RBFOX3: variants seen among roughly 807,000 people sequenced by gnomAD.
RBFOX3 encodes the protein RNA binding protein fox-1 homolog 3.
Under a neutral mutation model 48.7 loss-of-function variants are expected in RBFOX3, and 17 were observed. The ratio of observed to expected loss-of-function variants is 0.35; its 90% CI spans 0.24 to 0.52. The LOEUF (loss-of-function observed/expected upper bound fraction) is 0.52. Among genes scored for constraint, RBFOX3 ranks in the 20% least tolerant of loss-of-function variants. The pLI, the probability that RBFOX3 is intolerant of heterozygous loss-of-function variation, is 0.94. For missense variants in RBFOX3, 382 were observed against 497.5 expected (o/e 0.77, Z 2.21); for synonymous variants, 212 against 209.5 (o/e 1.01, Z -0.10).
intron 2 of RBFOX3, among the ~76,000 whole-genome samples, chr17:79,444,953 G>A (rs2071932292): frequency 6.6e-6 from 1 of 151,936 alleles, no homozygotes; most frequent in Non-Finnish European, 1.5e-5. Context: ...CCAACCACAG[G>A]CAACCACAGA....
chr17:79,286,255 G>A (rs533779551), intron 3 of RBFOX3, among the ~76,000 whole-genome samples: 1 of 152,276 alleles, frequency 6.6e-6, no homozygotes, highest in African/African-American at 2.4e-5. Flanking sequence ...AACTTTCTAG[G>A]ACTTTCTGCC....
intron 4 of RBFOX3, among the ~76,000 whole-genome samples, chr17:79,156,882 T>A (rs1284809999): frequency 6.6e-6 from 1 of 152,208 alleles, no homozygotes; most frequent in African/African-American, 2.4e-5. Context: ...GGAAACGGCA[T>A]GCTGGCAGGC....
At chr17:79,396,538 T>C (rs1472620605) in intron 2 of RBFOX3, among the ~76,000 whole-genome samples, 2 of 152,186 alleles carry the variant, frequency 1.3e-5, no homozygotes, top group Admixed American at 6.5e-5. Context: ...GCAAATTTTA[T>C]TCTGACTCCC....
At chr17:79,401,082 G>C (rs1052377545) in intron 2 of RBFOX3, among the ~76,000 whole-genome samples, 1 of 152,256 alleles carries the variant, frequency 6.6e-6, no homozygotes, top group Non-Finnish European at 1.5e-5. Context: ...AGCCTCTCCA[G>C]TGCTGCCCTG....
At chr17:79,283,805 C>T (rs945004069) in intron 3 of RBFOX3, among the ~76,000 whole-genome samples, 5 of 152,234 alleles carry the variant, frequency 3.3e-5, no homozygotes, top group African/African-American at 9.7e-5. Flanking sequence ...TTGGATCCAT[C>T]GCCTAGAACT....
chr17:79,593,843 A>T (rs2093491746), intron 1 of RBFOX3, among the ~76,000 whole-genome samples: 2 of 152,144 alleles, frequency 1.3e-5, no homozygotes, highest in African/African-American at 4.8e-5. Context: ...AAGGGCCAGG[A>T]GAGGAAATTG....
intron 4 of RBFOX3, among the ~76,000 whole-genome samples, chr17:79,227,513 A>G (rs1357408348): frequency 6.6e-6 from 1 of 152,186 alleles, no homozygotes; most frequent in Non-Finnish European, 1.5e-5. Context: ...ACAGGAGATG[A>G]GCAGGTCTCT....
At chr17:79,196,312 G>A (rs561584453) in intron 4 of RBFOX3, among the ~76,000 whole-genome samples, 10 of 152,216 alleles carry the variant, frequency 6.6e-5, no homozygotes, top group South Asian at 4.1e-4. Context: ...AGTGGGGCCC[G>A]CTCCAGCCTG....
At chr17:79,620,592 CA>C in the RBFOX3 span, among the ~76,000 whole-genome samples, 1 of 127,334 alleles carries the variant, frequency 7.9e-6, no homozygotes, top group Non-Finnish European at 1.8e-5. Flanking sequence ...CACGCACACA[CA>C]CGCACGCACG....
rs1448232271 is a variant in RBFOX3, at chr17:79,196,349, A to G, written c.-34+39417T>C. On this transcript the variant is annotated intron_variant, in intron 4 of 14. Transcript: ENST00000693108. ...GAGTCACAGACCCGGAGTCCAGCCC[A>G]TCTCTGCCCCGACCACCCGTGGGAC... is the stretch of plus-strand genomic sequence containing the variant. 2.6e-5 allele frequency among the ~76,000 whole-genome samples: 4 copies of G among 152,154 alleles called. No homozygotes were observed. The East Asian group carries it at 5.8e-4, about 22-fold the overall frequency.
intron 3 of RBFOX3, among the ~76,000 whole-genome samples, chr17:79,269,692 C>T (rs2067328864): frequency 6.6e-6 from 1 of 152,154 alleles, no homozygotes; most frequent in African/African-American, 2.4e-5. Context: ...CCTCTTTTCT[C>T]CTGGCGGGGC....
At chr17:79,340,677 A>C (rs1215104488) in intron 2 of RBFOX3, among the ~76,000 whole-genome samples, 1 of 152,206 alleles carries the variant, frequency 6.6e-6, no homozygotes, top group Non-Finnish European at 1.5e-5. Flanking sequence ...CTGGAGACGC[A>C]AGCACTTGCA....
intron 1 of RBFOX3, among the ~76,000 whole-genome samples, chr17:79,512,979 A>G (rs1193242684): frequency 6.9e-5 from 8 of 115,338 alleles, no homozygotes; most frequent in Admixed American, 1.9e-4. Flanking sequence ...ACCCAGATAC[A>G]TGTTACCATC....
At chr17:79,470,874 T>G (rs945920045) in intron 2 of RBFOX3, among the ~76,000 whole-genome samples, 1 of 152,190 alleles carries the variant, frequency 6.6e-6, no homozygotes, top group Non-Finnish European at 1.5e-5. Flanking sequence ...ATTTCCTCTC[T>G]TCTGGAGTCT....
At chr17:79,306,891 A>T (rs199723087) in intron 3 of RBFOX3, among the ~76,000 whole-genome samples, 5 of 42,672 alleles carry the variant, frequency 1.2e-4, no homozygotes, top group Non-Finnish European at 4.8e-4. Flanking sequence ...AGGCTGGGGG[A>T]AAAGGGAACC....
At chr17:79,376,315 C>G (rs1469771554) in intron 2 of RBFOX3, among the ~76,000 whole-genome samples, 1 of 152,162 alleles carries the variant, frequency 6.6e-6, no homozygotes, top group Non-Finnish European at 1.5e-5. Context: ...AGTCCGGTCT[C>G]TGTTCCTGAA....
rs1367232338 is a variant in RBFOX3, at chr17:79,471,603, G to A, written c.-175+10851C>T. ...CAAAGAGCACGACATAAACAAGGAA[G>A]GCGCACACACACCTGTCACCTCTCC... On this transcript the variant is annotated intron_variant, in intron 2 of 14. Coordinates refer to ENST00000693108, the MANE Select transcript of RBFOX3 (RefSeq NM_001350451.2). The surrounding 1 kb of genome is among the most constrained non-coding windows in gnomAD (Gnocchi z 4.0). Among the ~76,000 whole-genome samples, 3 of 152,180 alleles carry A rather than the reference G, an allele frequency of 2.0e-5. No individual in the cohort carries two copies. Among genetic ancestry groups the A allele is most frequent in the African/African-American group, 7.2e-5 (3 of 41,446 alleles).
intron 2 of RBFOX3, among the ~76,000 whole-genome samples, chr17:79,368,098 G>C (rs1462246679): frequency 2.6e-5 from 4 of 152,234 alleles, no homozygotes; most frequent in Non-Finnish European, 4.4e-5. Flanking sequence ...CGTGGGGACA[G>C]AAGTTCCTGT....
chr17:79,305,830 C>T (rs925614102), intron 3 of RBFOX3, among the ~76,000 whole-genome samples: 3 of 152,228 alleles, frequency 2.0e-5, no homozygotes, highest in African/African-American at 7.2e-5. Flanking sequence ...TGTGGGCAGG[C>T]AGCCTCCCTC....
Sources: allele counts gnomAD v4.1 joint callset (sites outside exome capture counted in the v4.1 genomes callset), GRCh38; gene constraint gnomAD v4.1.1; non-coding constraint Gnocchi (gnomAD v3.1); transcripts MANE v1.5; gene names NCBI Gene and HGNC (gene_info 2026-07-23, HGNC 2026-07-21).